Variants in BCL7C observed in about 807,000 individuals in gnomAD.
BCL7C encodes the protein BAF chromatin remodeling complex subunit BCL7C, also known as B-cell CLL/lymphoma 7 protein family member C.
BCL7C carries 8 observed loss-of-function variants against 26.2 expected under a neutral mutation model. That is an observed-to-expected ratio of 0.30 (90% CI 0.18 to 0.55). The LOEUF (loss-of-function observed/expected upper bound fraction) is 0.55. BCL7C is among the 20% of genes least tolerant of loss of function. BCL7C has a pLI of 0.93. For missense variants in BCL7C, 262 were observed against 298.5 expected (o/e 0.88, Z 0.90); for synonymous variants, 90 against 116.5 (o/e 0.77, Z 1.47).
intron 5 of BCL7C, among the ~76,000 whole-genome samples, chr16:30,879,171 T>C (rs144770062): frequency 4.0e-4 from 61 of 152,246 alleles, no homozygotes; most frequent in African/African-American, 1.3e-3. Context: ...GAACCTGCAG[T>C]GCTAAAACCA....
chr16:30,851,894 T>C (rs2054677889), intron 5 of BCL7C: 1 of 219,690 alleles, frequency 4.6e-6, no homozygotes, highest in Non-Finnish European at 9.5e-6. Flanking sequence ...TTCGTTGTTG[T>C]TGCATAGAAT....
exon 6 of BCL7C, chr16:30,835,085 T>G (rs980963632): frequency 6.5e-7 from 1 of 1,545,900 alleles, no homozygotes; most frequent in African/African-American, 1.4e-5. Context: ...AGGAGCCTCC[T>G]GAGGGGCTCT....
chr16:30,864,112 T>A (rs2054801126), intron 5 of BCL7C, among the ~76,000 whole-genome samples: 1 of 152,092 alleles, frequency 6.6e-6, no homozygotes, highest in Non-Finnish European at 1.5e-5. Flanking sequence ...TTCTCTTTCC[T>A]CCAAAATCAC....
At chr16:30,874,567 G>C (rs966285328) in intron 5 of BCL7C, among the ~76,000 whole-genome samples, 2 of 152,028 alleles carry the variant, frequency 1.3e-5, no homozygotes, top group African/African-American at 4.8e-5. Context: ...TGCAGTGAGC[G>C]GAGATCGCAC....
chr16:30,883,921 C>G (rs1326229494), downstream of BCL7C, among the ~76,000 whole-genome samples: 1 of 147,456 alleles, frequency 6.8e-6, no homozygotes, highest in Non-Finnish European at 1.5e-5. Context: ...ATCAGGAGAT[C>G]GAGACCATCC....
intron 5 of BCL7C, among the ~76,000 whole-genome samples, chr16:30,844,136 G>T (rs1567308045): frequency 6.7e-6 from 1 of 149,670 alleles, no homozygotes; most frequent in Non-Finnish European, 1.5e-5. Context: ...CGGATCACAA[G>T]GTCAAGAGAT....
chr16:30,888,918 G>A lies in BCL7C; in HGVS notation c.470C>T (p.Thr157Ile). ...RDPGGITAGS[T>I]DEPPMLTKEE... ...CTTGGTCAGCATTGGGGGTTCGTCG[G>A]TGCTGCCAGCAGTTATGCCCCCGGG... The change falls in exon 5 of 6, where the codon ACC becomes ATC. Residue 157 changes from threonine (T) to isoleucine (I), a missense_variant. Physicochemically the swap from Thr to Ile is moderately conservative, Grantham distance 89. Transcript: ENST00000215115. 6.2e-7 allele frequency: 1 copy of A among 1,614,028 alleles called. No homozygotes were observed. Among genetic ancestry groups the A allele is most frequent in the South Asian group, 1.1e-5 (1 of 91,084 alleles).
chr16:30,871,887 C>T lies in BCL7C; in HGVS notation c.528+16973G>A, dbSNP rs972044160. 2.0e-5 allele frequency among the ~76,000 whole-genome samples: 3 copies of T among 152,114 alleles called. No individual in the cohort carries two copies. In the East Asian group the frequency reaches 5.8e-4, roughly 29 times the overall value. The stretch of plus-strand genomic sequence containing the variant: ...TGAGACCAGATGGACCCTAATCATC[C>T]TGTCTGGAGGTGCTTAGCCTCAAGT... On this transcript the variant is annotated intron_variant, in intron 5 of 5. Transcript: ENST00000380317.
chr16:30,878,154 G>A (rs917828721), intron 5 of BCL7C, among the ~76,000 whole-genome samples: 1 of 151,232 alleles, frequency 6.6e-6, no homozygotes, highest in Non-Finnish European at 1.5e-5. Context: ...CAGCCTGGGC[G>A]ATAGAGCTAA....
At chr16:30,849,783 G>A (rs1375943294) in intron 5 of BCL7C, among the ~76,000 whole-genome samples, 2 of 150,932 alleles carry the variant, frequency 1.3e-5, no homozygotes, top group Non-Finnish European at 3.0e-5. Context: ...TTGGAGTCAG[G>A]GTCTTTCTGT....
intron 5 of BCL7C, among the ~76,000 whole-genome samples, chr16:30,847,388 C>CAGATGTCA (rs2054642541): frequency 4.6e-5 from 7 of 152,200 alleles, no homozygotes; most frequent in Non-Finnish European, 8.8e-5. Context: ...GACTCACTTT[C>CAGATGTCA]CTGTCTGAAA....
intron 5 of BCL7C, among the ~76,000 whole-genome samples, chr16:30,837,125 C>T (rs1217232751): frequency 6.6e-6 from 1 of 151,780 alleles, no homozygotes; most frequent in Non-Finnish European, 1.5e-5. Context: ...TTTTTTTCAA[C>T]TCTCGTCACT....
intron 5 of BCL7C, among the ~76,000 whole-genome samples, chr16:30,865,397 A>C (rs1027602208): frequency 1.3e-5 from 2 of 151,442 alleles, no homozygotes; most frequent in African/African-American, 4.8e-5. Flanking sequence ...AGCGTGTGAC[A>C]GTCTCTACCA....
intron 5 of BCL7C, among the ~76,000 whole-genome samples, chr16:30,845,039 C>T (rs894977984): frequency 1.3e-5 from 2 of 152,110 alleles, no homozygotes; most frequent in Admixed American, 6.6e-5. Flanking sequence ...TTGGGAGGCT[C>T]AAAGACCCCA....
intron 5 of BCL7C, among the ~76,000 whole-genome samples, chr16:30,857,272 C>T (rs1287069479): frequency 6.6e-6 from 1 of 151,580 alleles, no homozygotes; most frequent in Non-Finnish European, 1.5e-5. Flanking sequence ...CCTGTAGTCC[C>T]AGCTACCCGG....
At chr16:30,874,908 G>A (rs1419347519) in intron 5 of BCL7C, among the ~76,000 whole-genome samples, 1 of 152,184 alleles carries the variant, frequency 6.6e-6, no homozygotes, top group Admixed American at 6.5e-5. Context: ...GCCCGGAGCA[G>A]AACGCCCTCG....
intron 5 of BCL7C, among the ~76,000 whole-genome samples, chr16:30,845,647 G>C (rs2054629660): frequency 6.6e-6 from 1 of 152,040 alleles, no homozygotes; most frequent in Non-Finnish European, 1.5e-5. Flanking sequence ...TTCTTCATTG[G>C]ATACTGTATC....
At chr16:30,836,642 ATTTTTGTATT>A (rs2054571227) in intron 5 of BCL7C, among the ~76,000 whole-genome samples, 1 of 151,578 alleles carries the variant, frequency 6.6e-6, no homozygotes, top group Non-Finnish European at 1.5e-5. Flanking sequence ...TGCCTGGCTA[ATTTTTGTATT>A]TTTTGTAGAG....
At chr16:30,847,710 C>T (rs1567308992) in intron 5 of BCL7C, among the ~76,000 whole-genome samples, 1 of 151,926 alleles carries the variant, frequency 6.6e-6, no homozygotes, top group Non-Finnish European at 1.5e-5. Context: ...GCAGGAAAGT[C>T]GCTTGAACCC....
Sources: gnomAD v4.1 joint callset for allele counts (sites outside exome capture counted in the v4.1 genomes callset) on GRCh38, gnomAD v4.1.1 for gene constraint, MANE v1.5 for transcripts, NCBI Gene and HGNC (gene_info 2026-07-23, HGNC 2026-07-21) for gene names.